The following WDR7 variants were observed in gnomAD, a reference collection of about 807,000 sequenced individuals.
WDR7 encodes the protein WD repeat-containing protein 7.
In WDR7, 46 loss-of-function variants were observed where a neutral mutation model predicts 169.4. That is an observed-to-expected ratio of 0.27 (90% CI 0.21 to 0.35). WDR7 has a LOEUF of 0.35. WDR7 is among the 10% of genes least tolerant of loss of function. The pLI is 1.00. For missense variants in WDR7, 1,534 were observed against 1,859.3 expected, an observed-to-expected ratio of 0.83 and a Z score of 3.22; for synonymous variants, 612 against 666.8, an observed-to-expected ratio of 0.92 and a Z score of 1.27.
At chr18:56,716,449 GAATA>G (rs1344730824) in intron 12 of WDR7, among the ~76,000 whole-genome samples, 2 of 151,898 alleles carry the variant, frequency 1.3e-5, no homozygotes, top group Admixed American at 1.3e-4. Flanking sequence ...TTGAATTTAA[GAATA>G]AATAGTTAAA....
chr18:56,937,735 T>G (rs1292063077), intron 23 of WDR7, among the ~76,000 whole-genome samples: 1 of 152,192 alleles, frequency 6.6e-6, no homozygotes, highest in East Asian at 1.9e-4. Context: ...AAGTCTTATT[T>G]GCAGTTGATC....
intron 1 of WDR7, among the ~76,000 whole-genome samples, chr18:56,655,637 A>AAAAC (rs3062373): frequency 5.7e-5 from 8 of 139,714 alleles, no homozygotes; most frequent in African/African-American, 2.0e-4. Flanking sequence ...AAAAAAAAAA[A>AAAAC]GAGGAAGAAG....
chr18:56,656,580 A>G (rs2041695), intron 1 of WDR7, among the ~76,000 whole-genome samples: 1,706 of 52,666 alleles, frequency 0.032, 41 homozygotes, highest in African/African-American at 0.075. Context: ...GCGCCCGGCC[A>G]CTATTTTTTT....
At chr18:56,978,368 C>CATTCATTG (rs1478005811) in intron 26 of WDR7, among the ~76,000 whole-genome samples, 1 of 151,942 alleles carries the variant, frequency 6.6e-6, no homozygotes, top group Non-Finnish European at 1.5e-5. Context: ...ACCATGCATG[C>CATTCATTG]ATTCATTGAT....
chr18:56,662,086 A>G (rs2144453972), intron 1 of WDR7, among the ~76,000 whole-genome samples: 1 of 152,302 alleles, frequency 6.6e-6, no homozygotes, highest in African/African-American at 2.4e-5. Context: ...TGCTTCTCAT[A>G]TTCCCCATCG....
intron 21 of WDR7, among the ~76,000 whole-genome samples, chr18:56,893,634 T>A (rs562862528): frequency 1.3e-5 from 2 of 152,250 alleles, no homozygotes; most frequent in East Asian, 1.9e-4. Context: ...CCAATTCAAC[T>A]GGACACTGCC....
At chr18:56,657,696 TTGTC>T (rs2024808001) in intron 1 of WDR7, among the ~76,000 whole-genome samples, 2 of 152,208 alleles carry the variant, frequency 1.3e-5, no homozygotes, top group Admixed American at 1.3e-4. Flanking sequence ...TCGTTTGTCT[TTGTC>T]TGTATCTGAT....
At chr18:56,990,366 T>C (rs939022691) in intron 26 of WDR7, among the ~76,000 whole-genome samples, 2 of 152,236 alleles carry the variant, frequency 1.3e-5, no homozygotes, top group African/African-American at 4.8e-5. Flanking sequence ...ATGGGAATCC[T>C]TGTGCTTCTC....
chr18:56,936,902 T>C (rs1374844098), intron 23 of WDR7, among the ~76,000 whole-genome samples: 1 of 152,198 alleles, frequency 6.6e-6, no homozygotes, highest in African/African-American at 2.4e-5. Context: ...TATGTATTTA[T>C]TTTGTAGGTA....
chr18:56,924,687 G>T (rs1457947712), intron 22 of WDR7, among the ~76,000 whole-genome samples: 1 of 152,202 alleles, frequency 6.6e-6, no homozygotes, highest in East Asian at 1.9e-4. Flanking sequence ...GATTGATGGG[G>T]CAGGGGGTCC....
chr18:57,017,936 T>C (rs2048230247), intron 26 of WDR7, among the ~76,000 whole-genome samples: 1 of 152,122 alleles, frequency 6.6e-6, no homozygotes, highest in African/African-American at 2.4e-5. Context: ...AGACAAAAAA[T>C]GGAATATTTA....
At chr18:56,740,680 G>A (rs1181662204) in intron 14 of WDR7, among the ~76,000 whole-genome samples, 1 of 152,110 alleles carries the variant, frequency 6.6e-6, no homozygotes, top group African/African-American at 2.4e-5. Flanking sequence ...GCTTCCAACA[G>A]AGAGCCCAGA....
chr18:56,967,492 C>T (rs1038097569), intron 26 of WDR7, among the ~76,000 whole-genome samples: 4 of 152,094 alleles, frequency 2.6e-5, no homozygotes, highest in East Asian at 1.9e-4. Context: ...ATTAGGGTCC[C>T]TGACTCCTTA....
chr18:56,774,233 C>T (rs955700149), intron 16 of WDR7, among the ~76,000 whole-genome samples: 4 of 151,976 alleles, frequency 2.6e-5, no homozygotes, highest in Non-Finnish European at 5.9e-5. Flanking sequence ...AGTTTAGAAT[C>T]AAATTTCAAT....
At chr18:56,774,474 T>G (rs1463347507) in intron 16 of WDR7, among the ~76,000 whole-genome samples, 7 of 152,120 alleles carry the variant, frequency 4.6e-5, no homozygotes, top group Non-Finnish European at 8.8e-5. Context: ...GCTACAGCTG[T>G]TTTCCCAATC....
intron 19 of WDR7, among the ~76,000 whole-genome samples, chr18:56,796,206 G>A (rs961800215): frequency 3.3e-5 from 5 of 152,140 alleles, no homozygotes; most frequent in African/African-American, 1.2e-4. Flanking sequence ...TGCACATAGT[G>A]CCACTGTAAG....
intron 20 of WDR7, among the ~76,000 whole-genome samples, chr18:56,866,084 T>C (rs1027644511): frequency 1.3e-5 from 2 of 152,214 alleles, no homozygotes; most frequent in Non-Finnish European, 2.9e-5. Context: ...GTGAAGATTC[T>C]GGTGATCCAT....
chr18:56,708,335 A>G (rs779840147), intron 12 of WDR7, among the ~76,000 whole-genome samples: 1 of 151,970 alleles, frequency 6.6e-6, no homozygotes, highest in East Asian at 1.9e-4. Flanking sequence ...TGCCTGGCCC[A>G]GTGTTTATTT....
chr18:56,699,951 T>A (rs766018187), intron 12 of WDR7: 2 of 876,704 alleles, frequency 2.3e-6, no homozygotes, highest in Non-Finnish European at 2.7e-6. Flanking sequence ...ACTCCTTCAT[T>A]TTTGAGCTGT....
Sources: allele counts gnomAD v4.1 joint callset (sites outside exome capture counted in the v4.1 genomes callset), GRCh38; gene constraint gnomAD v4.1.1; transcripts MANE v1.5; gene names NCBI Gene and HGNC (gene_info 2026-07-23, HGNC 2026-07-21).